Variants in CAST observed in about 807,000 individuals in gnomAD.
The protein encoded by CAST is MIR583 host.
CAST carries 76 observed loss-of-function variants against 119.6 expected under a neutral mutation model. That is an observed-to-expected ratio of 0.64 (90% CI 0.53 to 0.77). The LOEUF is 0.77. CAST is among the 30% of genes least tolerant of loss of function. CAST has a pLI of 0.00. For synonymous variants in CAST, 319 were observed against 331.6 expected (o/e 0.96, Z 0.41); for missense variants, 953 against 946.5 (o/e 1.01, Z -0.09).
At chr5:95,963,020 A>G in the CAST span, among the ~76,000 whole-genome samples, 1 of 152,156 alleles carries the variant, frequency 6.6e-6, no homozygotes, top group Non-Finnish European at 1.5e-5. Flanking sequence ...TTGTGTGTGG[A>G]TAGACTGACA....
chr5:96,192,491 A>T, the CAST span, among the ~76,000 whole-genome samples: 10 of 152,256 alleles, frequency 6.6e-5, no homozygotes, highest in Non-Finnish European at 2.9e-5. Flanking sequence ...TAGAACTGTC[A>T]TATCCTTTTG....
chr5:96,091,587 C>A, the CAST span, among the ~76,000 whole-genome samples: 4 of 148,342 alleles, frequency 2.7e-5, no homozygotes, highest in Admixed American at 6.9e-5. Context: ...CTCACTGTAG[C>A]TTTGCCCTCC....
chr5:96,114,752 T>C, the CAST span, among the ~76,000 whole-genome samples: 1 of 152,216 alleles, frequency 6.6e-6, no homozygotes, highest in Admixed American at 6.5e-5. Flanking sequence ...GTCTAAGATA[T>C]AGTTACTGGT....
chr5:96,678,585 C>G (rs539287301), intron 2 of CAST, among the ~76,000 whole-genome samples: 1 of 152,230 alleles, frequency 6.6e-6, no homozygotes, highest in East Asian at 1.9e-4. Context: ...TGGCTCATGC[C>G]TGTAATCCCA....
At chr5:96,552,333 A>T (rs1349790082) in intron 1 of CAST, among the ~76,000 whole-genome samples, 1 of 152,236 alleles carries the variant, frequency 6.6e-6, no homozygotes, top group Non-Finnish European at 1.5e-5. Context: ...GTAAATAATG[A>T]AATGAAGGCA....
Position 96,590,303 on chromosome 5 carries a change from G to A in CAST, c.60+60423G>A, listed in dbSNP as rs112777614. Among the ~76,000 whole-genome samples, 1,043 of 152,296 alleles carry A rather than the reference G, an allele frequency of 6.8e-3. 14 individuals carry two copies. Among genetic ancestry groups the A allele is most frequent in the African/African-American group, 0.023 (965 of 41,550 alleles). On this transcript the variant is annotated intron_variant, in intron 1 of 11. Transcript: ENST00000505143. ...ACACAAGCATATAAAAATTTAAGAA[G>A]CATTGATATAGTTAACATTGATACT...
the CAST span, among the ~76,000 whole-genome samples, chr5:96,095,870 T>G: frequency 6.6e-6 from 1 of 152,204 alleles, no homozygotes; most frequent in Non-Finnish European, 1.5e-5. Context: ...TTAATTCTAG[T>G]GTTTAGCAAC....
chr5:96,098,589 C>T, the CAST span, among the ~76,000 whole-genome samples: 1 of 152,172 alleles, frequency 6.6e-6, no homozygotes, highest in Non-Finnish European at 1.5e-5. Flanking sequence ...AATCCTTTCA[C>T]CATTGCTTGT....
intron 9 of CAST, among the ~76,000 whole-genome samples, chr5:96,731,073 C>T (rs1252822057): frequency 1.3e-5 from 2 of 152,194 alleles, no homozygotes; most frequent in Non-Finnish European, 2.9e-5. Flanking sequence ...TTACTGAGTA[C>T]ATGCCATATA....
At chr5:96,156,987 T>C in the CAST span, among the ~76,000 whole-genome samples, 2 of 152,242 alleles carry the variant, frequency 1.3e-5, no homozygotes, top group Non-Finnish European at 2.9e-5. Flanking sequence ...TTATAAAACT[T>C]TATATAGTTC....
At chr5:96,596,561 A>C (rs1462161060) in intron 1 of CAST, among the ~76,000 whole-genome samples, 1 of 152,222 alleles carries the variant, frequency 6.6e-6, no homozygotes, top group Non-Finnish European at 1.5e-5. Context: ...AACCAGCAAT[A>C]GGAAACATGG....
chr5:96,292,351 T>C, the CAST span, among the ~76,000 whole-genome samples: 1 of 152,200 alleles, frequency 6.6e-6, no homozygotes, highest in Non-Finnish European at 1.5e-5. Context: ...GTAAATATGT[T>C]TTAATGTCAT....
chr5:96,568,740 T>G (rs866403062), intron 1 of CAST, among the ~76,000 whole-genome samples: 1 of 151,944 alleles, frequency 6.6e-6, no homozygotes, highest in Non-Finnish European at 1.5e-5. Flanking sequence ...CTTTTTTTCC[T>G]TGTTGGACAG....
intron 1 of CAST, among the ~76,000 whole-genome samples, chr5:96,590,225 A>G (rs1013899704): frequency 1.3e-5 from 2 of 152,346 alleles, no homozygotes; most frequent in Admixed American, 1.3e-4. Flanking sequence ...GAAATGCAGC[A>G]TCTCAGACCT....
intron 2 of CAST, among the ~76,000 whole-genome samples, chr5:96,678,157 C>T (rs2150254189): frequency 6.6e-6 from 1 of 152,238 alleles, no homozygotes; most frequent in East Asian, 1.9e-4. Flanking sequence ...TCAAAATTAC[C>T]AGAGAAAGAC....
the CAST span, chr5:96,410,976 C>G: frequency 1.9e-6 from 3 of 1,612,240 alleles, no homozygotes; most frequent in Admixed American, 1.7e-5. Context: ...GGACCCCTTC[C>G]CCTGTCTCCC....
chr5:96,063,182 G>T, the CAST span, among the ~76,000 whole-genome samples: 2 of 152,132 alleles, frequency 1.3e-5, no homozygotes, highest in Non-Finnish European at 2.9e-5. Context: ...AGGACTGAGG[G>T]ACTCATTCCC....
chr5:96,393,224 G>A, the CAST span: 27 of 1,613,908 alleles, frequency 1.7e-5, no homozygotes, highest in South Asian at 2.2e-4. Flanking sequence ...TTGCTTTGGC[G>A]GTGAGTTTTT....
At chr5:96,680,146 C>G (rs1453069966) in intron 2 of CAST, among the ~76,000 whole-genome samples, 1 of 150,866 alleles carries the variant, frequency 6.6e-6, no homozygotes, top group African/African-American at 2.4e-5. Context: ...GTCAGGAGTT[C>G]AAGACCAGCC....
Sources: gnomAD v4.1 joint callset for allele counts (sites outside exome capture counted in the v4.1 genomes callset) on GRCh38, gnomAD v4.1.1 for gene constraint, MANE v1.5 for transcripts, NCBI Gene and HGNC (gene_info 2026-07-23, HGNC 2026-07-21) for gene names.